HYAL4: variants seen among roughly 807,000 people sequenced by gnomAD.
The protein encoded by HYAL4 is hyaluronidase 4.
HYAL4 carries 37 observed loss-of-function variants against 35.2 expected under a neutral mutation model. The observed-to-expected ratio is 1.05, with a 90% CI of 0.81 to 1.38. The LOEUF is 1.38. Ranked by LOEUF, HYAL4 falls within the 40% of genes most tolerant of loss-of-function variation. The probability of loss-of-function intolerance (pLI) is 0.00; values close to 1 mark genes in which losing one functional copy is unlikely to be tolerated. For synonymous variants in HYAL4, 198 were observed against 203.2 expected (o/e 0.97, Z 0.22); for missense variants, 572 against 572.4 (o/e 1.00, Z 0.01).
the HYAL4 span, among the ~76,000 whole-genome samples, chr7:123,797,702 A>G: frequency 6.6e-6 from 1 of 152,336 alleles, no homozygotes; most frequent in South Asian, 2.1e-4. Context: ...ACTAAGGCAC[A>G]TGGCTCTTTG....
chr7:123,834,349 T>C (rs1805929532), intron 1 of HYAL4, among the ~76,000 whole-genome samples: 1 of 152,126 alleles, frequency 6.6e-6, no homozygotes, highest in Non-Finnish European at 1.5e-5. Flanking sequence ...TTGCGGTTAT[T>C]GTAAAAGGGG....
At chr7:123,849,603 A>G (rs1187611560) in intron 2 of HYAL4, among the ~76,000 whole-genome samples, 2 of 152,186 alleles carry the variant, frequency 1.3e-5, no homozygotes, top group African/African-American at 2.4e-5. Flanking sequence ...CAACTGGCCC[A>G]GGCTTTCTTT....
the HYAL4 span, among the ~76,000 whole-genome samples, chr7:123,773,741 T>C: frequency 6.6e-6 from 1 of 152,252 alleles, no homozygotes; most frequent in Non-Finnish European, 1.5e-5. Context: ...AGCTCATGAT[T>C]CAGAATTCAA....
chr7:123,824,119 T>C (rs781285615), upstream of HYAL4, among the ~76,000 whole-genome samples: 9 of 152,234 alleles, frequency 5.9e-5, no homozygotes, highest in Non-Finnish European at 1.2e-4. Flanking sequence ...TTTTGTCACC[T>C]ACTAGCTGTG....
chr7:123,860,664 TA>T (rs1806558897), intron 2 of HYAL4, among the ~76,000 whole-genome samples: 3 of 152,208 alleles, frequency 2.0e-5, no homozygotes, highest in Admixed American at 2.0e-4. Flanking sequence ...TTTGTTGTCC[TA>T]ATTATAAGAA....
the HYAL4 span, among the ~76,000 whole-genome samples, chr7:123,766,470 C>T: frequency 0.084 from 12,763 of 151,886 alleles, 559 homozygotes; most frequent in East Asian, 0.11. Context: ...TTATTTTTTT[C>T]TTTTCGTTAA....
chr7:123,794,960 G>T, the HYAL4 span, among the ~76,000 whole-genome samples: 8 of 152,186 alleles, frequency 5.3e-5, no homozygotes, highest in South Asian at 2.1e-4. Flanking sequence ...GCCCCTGAAG[G>T]CACCCAAGAG....
the HYAL4 span, chr7:123,790,606 T>TTTTA: frequency 6.7e-6 from 1 of 149,276 alleles, no homozygotes; most frequent in African/African-American, 2.5e-5. Flanking sequence ...TTTTTTTTTT[T>TTTTA]AAATATGGAA....
At chr7:123,828,860 C>T (rs564090691), upstream of HYAL4, 2 of 152,740 alleles carry the variant, frequency 1.3e-5, no homozygotes, top group South Asian at 2.1e-4. Flanking sequence ...TCCTCCTCCT[C>T]AGCCTTACCA....
the HYAL4 span, among the ~76,000 whole-genome samples, chr7:123,809,343 G>A: frequency 2.6e-5 from 4 of 151,012 alleles, no homozygotes; most frequent in Admixed American, 6.6e-5. Context: ...AGTGCACTGC[G>A]TGCACTGCTT....
chr7:123,853,034 G>A (rs1384077283), intron 2 of HYAL4, among the ~76,000 whole-genome samples: 2 of 152,088 alleles, frequency 1.3e-5, no homozygotes, highest in African/African-American at 4.8e-5. Context: ...TTGGCTCTCC[G>A]TTGGTCTATC....
the HYAL4 span, among the ~76,000 whole-genome samples, chr7:123,767,455 C>A: frequency 6.6e-6 from 1 of 152,174 alleles, no homozygotes; most frequent in Non-Finnish European, 1.5e-5. Context: ...TATTCTTCAT[C>A]TTTCAGCTTT....
chr7:123,812,076 G>A, the HYAL4 span, among the ~76,000 whole-genome samples: 23 of 152,076 alleles, frequency 1.5e-4, no homozygotes, highest in Non-Finnish European at 2.6e-4. Flanking sequence ...TCCTGACCTC[G>A]TGATCTGCCT....
At chr7:123,856,859 G>A (rs1429931598) in intron 2 of HYAL4, among the ~76,000 whole-genome samples, 2 of 152,166 alleles carry the variant, frequency 1.3e-5, no homozygotes, top group Admixed American at 6.5e-5. Flanking sequence ...TGGGGCTGCT[G>A]CCTTTCTTTC....
chr7:123,823,283 G>GCA, the HYAL4 span, among the ~76,000 whole-genome samples: 1 of 152,078 alleles, frequency 6.6e-6, no homozygotes, highest in African/African-American at 2.4e-5. Context: ...AATCATCCTT[G>GCA]CATCCCAGGA....
upstream of HYAL4, among the ~76,000 whole-genome samples, chr7:123,825,049 T>G (rs1805781655): frequency 6.6e-6 from 1 of 152,122 alleles, no homozygotes; most frequent in South Asian, 2.1e-4. Flanking sequence ...TGGGTAAATG[T>G]CTCTAACTCC....
chr7:123,845,731 T>C (rs1584913412), intron 1 of HYAL4, 46 bp downstream of exon 1: 1 of 152,210 alleles, frequency 6.6e-6, no homozygotes, highest in African/African-American at 2.4e-5. Flanking sequence ...GAAAGTTGTT[T>C]TGTCATATTA....
At chr7:123,827,380 T>C (rs1445900920), upstream of HYAL4, among the ~76,000 whole-genome samples, 1 of 152,176 alleles carries the variant, frequency 6.6e-6, no homozygotes, top group Non-Finnish European at 1.5e-5. Context: ...TTGCCAGTGT[T>C]CTGTGTTGTC....
At chr7:123,831,719 GC>G (rs1173452981) in intron 1 of HYAL4, among the ~76,000 whole-genome samples, 1 of 151,988 alleles carries the variant, frequency 6.6e-6, no homozygotes, top group East Asian at 1.9e-4. Flanking sequence ...AGGGATTTCT[GC>G]CCCCCTCCCC....
Sources: gnomAD v4.1 joint callset for allele counts (sites outside exome capture counted in the v4.1 genomes callset) on GRCh38, gnomAD v4.1.1 for gene constraint, MANE v1.5 for transcripts, NCBI Gene and HGNC (gene_info 2026-07-23, HGNC 2026-07-21) for gene names.